The following UBE3C variants were observed in gnomAD, a reference collection of about 807,000 sequenced individuals.
UBE3C encodes ubiquitin-protein ligase E3C.
Under a neutral mutation model 129.4 loss-of-function variants are expected in UBE3C, and 42 were observed. The ratio of observed to expected loss-of-function variants is 0.32; its 90% CI spans 0.25 to 0.42. UBE3C has a LOEUF of 0.42. Among genes scored for constraint, UBE3C ranks in the 10% least tolerant of loss-of-function variants. The probability of loss-of-function intolerance (pLI) is 1.00; values close to 1 mark genes in which losing one functional copy is unlikely to be tolerated. For missense variants in UBE3C, 1,049 were observed against 1,319.1 expected (o/e 0.80, Z 3.17); for synonymous variants, 510 against 492.4 (o/e 1.04, Z -0.47).
At chr7:157,194,496 T>C (rs1329777400) in intron 10 of UBE3C, among the ~76,000 whole-genome samples, 3 of 152,252 alleles carry the variant, frequency 2.0e-5, no homozygotes, top group East Asian at 3.9e-4. Context: ...GTAACAAATA[T>C]CTAAAAATGG....
intron 11 of UBE3C, among the ~76,000 whole-genome samples, chr7:157,203,766 T>C (rs1809354147): frequency 6.6e-6 from 1 of 152,220 alleles, no homozygotes; most frequent in African/African-American, 2.4e-5. Context: ...ATGAAGTCCC[T>C]CAAGAAACTG....
intron 16 of UBE3C, among the ~76,000 whole-genome samples, chr7:157,223,738 A>AGTGAAACCCTGTCTGTAT (rs1201164254): frequency 1.3e-5 from 2 of 152,106 alleles, no homozygotes; most frequent in Non-Finnish European, 2.9e-5. Context: ...TGGGAAACAT[A>AGTGAAACCCTGTCTGTAT]GTGAAACCCT....
chr7:157,255,428 G>A lies in UBE3C; in HGVS notation c.2950+1118G>A, dbSNP rs114011332. On this transcript the variant is annotated intron_variant, in intron 21 of 22. Transcript: ENST00000348165. Reference sequence around the variant, plus strand: ...ACATATAACCTGTGTGTATCCATGCGTATGTATCTCTTATCTGTAGTTTGC... The same window carrying A: ...ACATATAACCTGTGTGTATCCATGCATATGTATCTCTTATCTGTAGTTTGC... 5.9e-5 allele frequency among the ~76,000 whole-genome samples: 9 copies of A among 152,294 alleles called. No individual in the cohort carries two copies. In the South Asian group the frequency reaches 1.0e-3, roughly 18 times the overall value.
chr7:157,227,165 C>A (rs191971474), intron 17 of UBE3C, among the ~76,000 whole-genome samples: 1 of 152,204 alleles, frequency 6.6e-6, no homozygotes, highest in African/African-American at 2.4e-5. Flanking sequence ...TGTGACAAAA[C>A]AATGAGTTTG....
chr7:157,199,302 T>C (rs544266664), intron 10 of UBE3C, among the ~76,000 whole-genome samples: 19 of 152,258 alleles, frequency 1.2e-4, no homozygotes, highest in Non-Finnish European at 2.1e-4. Context: ...TGCGTATTCT[T>C]AGCAAATAAA....
At chr7:157,180,550 C>T (rs561862076) in intron 6 of UBE3C, among the ~76,000 whole-genome samples, 103 of 151,662 alleles carry the variant, frequency 6.8e-4, no homozygotes, top group Non-Finnish European at 1.3e-3. Context: ...AAAACTAGCC[C>T]ATGCAGATGG....
intron 6 of UBE3C, among the ~76,000 whole-genome samples, chr7:157,180,513 A>C (rs1484602002): frequency 3.3e-5 from 5 of 152,322 alleles, no homozygotes; most frequent in Non-Finnish European, 4.4e-5. Context: ...TCTTCACTCA[A>C]ATACGAAGCT....
intron 22 of UBE3C, among the ~76,000 whole-genome samples, chr7:157,261,344 A>T (rs1378676556): frequency 2.0e-5 from 3 of 148,702 alleles, no homozygotes; most frequent in Non-Finnish European, 4.5e-5. Context: ...AAAAAATCCC[A>T]AATAGACTAA....
chr7:157,220,071 C>T (rs189166926), intron 14 of UBE3C, among the ~76,000 whole-genome samples: 121 of 152,106 alleles, frequency 8.0e-4, no homozygotes, highest in Non-Finnish European at 1.5e-3. Flanking sequence ...ATTAACCAGG[C>T]GTGATGGTAT....
chr7:157,227,193 T>G (rs1391703517), intron 17 of UBE3C, among the ~76,000 whole-genome samples: 1 of 151,992 alleles, frequency 6.6e-6, no homozygotes. Context: ...TCGTGTAGTG[T>G]TTAGAGAAGA....
intron 13 of UBE3C, among the ~76,000 whole-genome samples, chr7:157,209,828 G>T (rs1242857131): frequency 6.6e-6 from 1 of 152,194 alleles, no homozygotes; most frequent in East Asian, 1.9e-4. Context: ...AGTTTGTACA[G>T]AATTTTTTTA....
chr7:157,149,615 A>G (rs1195538859), intron 1 of UBE3C, among the ~76,000 whole-genome samples: 1 of 152,144 alleles, frequency 6.6e-6, no homozygotes, highest in Non-Finnish European at 1.5e-5. Flanking sequence ...GATATCCCCT[A>G]CTTGGCTTTA....
intron 15 of UBE3C, chr7:157,222,000 G>C (rs1795750993): frequency 1.3e-5 from 2 of 152,038 alleles, no homozygotes; most frequent in Admixed American, 1.3e-4. Context: ...TTCCAAAGTA[G>C]TTGTGACCAC....
intron 17 of UBE3C, among the ~76,000 whole-genome samples, chr7:157,228,168 C>G (rs1302539462): frequency 6.6e-6 from 1 of 152,242 alleles, no homozygotes; most frequent in Non-Finnish European, 1.5e-5. Context: ...GAACGATTCT[C>G]TGCAGTGTGC....
intron 18 of UBE3C, among the ~76,000 whole-genome samples, chr7:157,234,184 T>A (rs760298595): frequency 2.8e-4 from 42 of 152,230 alleles, no homozygotes; most frequent in Admixed American, 1.8e-3. Context: ...CGAACATTTT[T>A]AATTTTGAAG....
chr7:157,221,262 G>C (rs1795728369), intron 15 of UBE3C: 1 of 153,680 alleles, frequency 6.5e-6, no homozygotes, highest in Admixed American at 6.4e-5. Context: ...CATTTTGTTT[G>C]ACATGGAGTA....
At chr7:157,146,873 A>G (rs1263483597) in intron 1 of UBE3C, among the ~76,000 whole-genome samples, 1 of 151,490 alleles carries the variant, frequency 6.6e-6, no homozygotes, top group African/African-American at 2.4e-5. Flanking sequence ...CTGGTCTTGA[A>G]CTCCTGACCT....
intron 13 of UBE3C, among the ~76,000 whole-genome samples, chr7:157,214,608 CA>C (rs1441037915): frequency 6.6e-6 from 1 of 152,132 alleles, no homozygotes; most frequent in African/African-American, 2.4e-5. Flanking sequence ...TTTAAAGTAT[CA>C]ATTTAATTGG....
chr7:157,183,113 T>C (rs1326455016), intron 8 of UBE3C, among the ~76,000 whole-genome samples: 2 of 152,170 alleles, frequency 1.3e-5, no homozygotes, highest in Admixed American at 6.5e-5. Flanking sequence ...TGGGGTTTTT[T>C]TTCCCACACA....
Sources: gnomAD v4.1 joint callset for allele counts (sites outside exome capture counted in the v4.1 genomes callset) on GRCh38, gnomAD v4.1.1 for gene constraint, MANE v1.5 for transcripts, NCBI Gene and HGNC (gene_info 2026-07-23, HGNC 2026-07-21) for gene names.